The following BATF3 variants were observed in gnomAD, a reference collection of about 807,000 sequenced individuals.
BATF3 encodes basic leucine zipper transcriptional factor ATF-like 3.
BATF3 carries 8 observed loss-of-function variants against 16.1 expected under a neutral mutation model. The ratio of observed to expected loss-of-function variants is 0.50; its 90% CI spans 0.29 to 0.90. BATF3 has a LOEUF of 0.90. Among genes scored for constraint, BATF3 ranks in the 40% least tolerant of loss-of-function variants. The pLI, the probability that BATF3 is intolerant of heterozygous loss-of-function variation, is 0.08. For synonymous variants in BATF3, 74 were observed against 72.7 expected (o/e 1.02, Z -0.09); for missense variants, 139 against 167.0 (o/e 0.83, Z 0.92).
At position 212,699,657 on chromosome 1, in the gene BATF3, G is replaced by T; in HGVS notation, c.90+16C>A. ...CCCCGCACCCCACGGCCCTCCCTGA[G>T]CCTCTCGCCCTCTACCTGCTGCTGC... is the stretch of plus-strand genomic sequence containing the variant. On this transcript the variant is annotated intron_variant, in intron 1 of 2. Transcript: ENST00000243440. This position sits in a 1 kb window ranked among gnomAD's most constrained non-coding sequence, Gnocchi z 4.4. 7.6e-7 allele frequency: 1 copy of T among 1,318,578 alleles called. No homozygotes were observed. Among genetic ancestry groups the T allele is most frequent in the Non-Finnish European group, 9.7e-7 (1 of 1,031,306 alleles). 81.7% of individuals were successfully genotyped at this position (1,318,578 alleles called of 1,614,324 possible).
intron 2 of BATF3, among the ~76,000 whole-genome samples, chr1:212,691,288 CATTT>C (rs1470118042): frequency 6.6e-6 from 1 of 152,192 alleles, no homozygotes; most frequent in African/African-American, 2.4e-5. Flanking sequence ...ACACAGACCC[CATTT>C]CACAAGTTAG....
At position 212,699,354 on chromosome 1, in the gene BATF3, C is replaced by G. The variant is rs1011028429; in HGVS notation, c.90+319G>C. Among the ~76,000 whole-genome samples, 1 of 152,076 alleles carries G rather than the reference C, an allele frequency of 6.6e-6. No individual in the cohort carries two copies. Among genetic ancestry groups the G allele is most frequent in the African/African-American group, 2.4e-5 (1 of 41,406 alleles). ...GGATGGGGCGGCCCTCAGGGCAGTG[C>G]GGAGCCCACGTGCCGGGGAGCACCG... On this transcript the variant is annotated intron_variant, in intron 1 of 2. Transcript: ENST00000243440. The surrounding 1 kb of genome is among the most constrained non-coding windows in gnomAD (Gnocchi z 4.4).
chr1:212,696,120 A>G lies in BATF3; in HGVS notation c.195+841T>C, dbSNP rs546922572. 1.4e-4 allele frequency among the ~76,000 whole-genome samples: 21 copies of G among 151,912 alleles called. 1 individual carries two copies. In the South Asian group the frequency reaches 4.4e-3, roughly 32 times the overall value. ...GCTGATGCTGGGAGAACAGATTAAT[A>G]GATTAAGTCTTCCAGGGTGAGAAAA... On this transcript the variant is annotated intron_variant, in intron 2 of 2. Transcript: ENST00000243440.
At chr1:212,693,715 A>G (rs1470164957) in intron 2 of BATF3, among the ~76,000 whole-genome samples, 6 of 152,104 alleles carry the variant, frequency 3.9e-5, no homozygotes, top group African/African-American at 7.2e-5. Context: ...AGGTGGCACC[A>G]CTCTGAAGTT....
intron 1 of BATF3, chr1:212,698,512 T>C (rs1657183077): frequency 6.6e-6 from 1 of 152,220 alleles, no homozygotes. Context: ...TGGGATGCGA[T>C]GAAATGAGAT....
chr1:212,692,554 C>T (rs1323861221), intron 2 of BATF3, among the ~76,000 whole-genome samples: 1 of 152,170 alleles, frequency 6.6e-6, no homozygotes, highest in African/African-American at 2.4e-5. Flanking sequence ...TCTCCTGCCT[C>T]AGCCTCCCGA....
At chr1:212,695,298 G>T (rs1224875359) in intron 2 of BATF3, among the ~76,000 whole-genome samples, 1 of 151,966 alleles carries the variant, frequency 6.6e-6, no homozygotes, top group Non-Finnish European at 1.5e-5. Flanking sequence ...TTCGAGACCA[G>T]CCTGGCCAAC....
At chr1:212,693,875 A>T (rs1295644590) in intron 2 of BATF3, among the ~76,000 whole-genome samples, 1 of 151,982 alleles carries the variant, frequency 6.6e-6, no homozygotes, top group Non-Finnish European at 1.5e-5. Flanking sequence ...TAATCGATTC[A>T]CTCCTCACAG....
Position 212,686,651 on chromosome 1 carries a change from A to T in BATF3, c.*140T>A, listed in dbSNP as rs1455081268. The T allele has an allele frequency of 6.5e-6, 9 of 1,376,104 alleles. No homozygotes were observed. The Admixed American group carries it at 8.3e-5, about 13-fold the overall frequency. 85.2% of individuals were successfully genotyped at this position (1,376,104 alleles called of 1,614,324 possible). ...GTCGGGCTGAGCCCAGTCTGCAGGG[A>T]ACACAGCTGGCTGGTCCTGGAGCTC... is the stretch of plus-strand genomic sequence containing the variant. On this transcript the variant is annotated 3_prime_UTR_variant, in exon 3 of 3. Coordinates refer to ENST00000243440, the MANE Select transcript of BATF3 (RefSeq NM_018664.3).
In BATF3 at chr1:212,686,665, G is replaced by C; in HGVS notation, c.*126C>G. On this transcript the variant is annotated 3_prime_UTR_variant, in exon 3 of 3. Coordinates refer to ENST00000243440, the MANE Select transcript of BATF3 (RefSeq NM_018664.3). ...AGTCTGCAGGGAACACAGCTGGCTG[G>C]TCCTGGAGCTCCCAGGAGGAGGCCT... 1 of 1,407,390 alleles carries C rather than the reference G, an allele frequency of 7.1e-7. No individual in the cohort carries two copies. Among genetic ancestry groups the C allele is most frequent in the Non-Finnish European group, 9.4e-7 (1 of 1,068,242 alleles). The allele number at this position is 1,407,390 out of a possible 1,614,324, so 87.2% of individuals were successfully genotyped here.
chr1:212,693,798 A>G (rs531875978), intron 2 of BATF3, among the ~76,000 whole-genome samples: 26 of 152,322 alleles, frequency 1.7e-4, no homozygotes, highest in African/African-American at 6.0e-4. Context: ...CGCTTCATAC[A>G]GGTACTTTTT....
At chr1:212,693,622 AGT>A (rs1286637286) in intron 2 of BATF3, among the ~76,000 whole-genome samples, 1 of 152,156 alleles carries the variant, frequency 6.6e-6, no homozygotes, top group Admixed American at 6.5e-5. Context: ...CATGCAACAC[AGT>A]CTCTGGGTTG....
At chr1:212,687,348 T>C (rs1656875530) in intron 2 of BATF3, 1 of 241,618 alleles carries the variant, frequency 4.1e-6, no homozygotes, top group African/African-American at 2.2e-5. Context: ...AGATCTCTAT[T>C]GGGTTCACAG....
intron 2 of BATF3, among the ~76,000 whole-genome samples, chr1:212,693,556 G>A (rs1374070495): frequency 6.6e-6 from 1 of 152,126 alleles, no homozygotes; most frequent in Non-Finnish European, 1.5e-5. Context: ...TCCGTGGAGT[G>A]TCTGGGCTTC....
intron 2 of BATF3, among the ~76,000 whole-genome samples, chr1:212,695,317 A>G (rs899806043): frequency 2.0e-5 from 3 of 151,838 alleles, no homozygotes; most frequent in African/African-American, 7.3e-5. Context: ...ACATGGTGAA[A>G]CCCCATCTCT....
chr1:212,693,784 C>G (rs1657060626), intron 2 of BATF3, among the ~76,000 whole-genome samples: 1 of 152,158 alleles, frequency 6.6e-6, no homozygotes, highest in South Asian at 2.1e-4. Context: ...TGCGAGAGAG[C>G]CAACGCTTCA....
intron 1 of BATF3, chr1:212,698,229 G>C (rs750345313): frequency 6.6e-6 from 1 of 152,208 alleles, no homozygotes; most frequent in Non-Finnish European, 1.5e-5. Context: ...CATTACAGGG[G>C]AACATGTGGT....
At chr1:212,698,132 T>C (rs1002551208) in intron 1 of BATF3, 2 of 152,196 alleles carry the variant, frequency 1.3e-5, no homozygotes, top group Non-Finnish European at 2.9e-5. Context: ...ATAAATAACA[T>C]ACATAGCAAA....
At chr1:212,697,299 C>A (rs545329800) in intron 1 of BATF3, 5 of 467,472 alleles carry the variant, frequency 1.1e-5, no homozygotes, top group African/African-American at 2.0e-5. Flanking sequence ...ATAAGAAACT[C>A]AGAGAGGTTA....
Sources: allele counts gnomAD v4.1 joint callset (sites outside exome capture counted in the v4.1 genomes callset), GRCh38; gene constraint gnomAD v4.1.1; non-coding constraint Gnocchi (gnomAD v3.1); transcripts MANE v1.5; gene names NCBI Gene and HGNC (gene_info 2026-07-23, HGNC 2026-07-21).